SORCS3: variants seen among roughly 807,000 people sequenced by gnomAD.
SORCS3 encodes VPS10 domain-containing receptor SorCS3.
SORCS3 carries 57 observed loss-of-function variants against 146.3 expected under a neutral mutation model. The ratio of observed to expected loss-of-function variants is 0.39; its 90% CI spans 0.31 to 0.49. The LOEUF is 0.49. Ranked by LOEUF, SORCS3 falls within the 20% of genes least tolerant of loss-of-function variation. SORCS3 has a pLI of 0.92. For missense variants in SORCS3, 1,341 were observed against 1,575.5 expected (o/e 0.85, Z 2.52); for synonymous variants, 653 against 618.5 (o/e 1.06, Z -0.83).
At chr10:105,229,694 G>A (rs981603902) in intron 20 of SORCS3, among the ~76,000 whole-genome samples, 3 of 152,112 alleles carry the variant, frequency 2.0e-5, no homozygotes, top group Non-Finnish European at 4.4e-5. Flanking sequence ...GAAATTTTTT[G>A]CTGGGGACTG....
At chr10:105,019,818 G>A (rs1460057188) in intron 4 of SORCS3, among the ~76,000 whole-genome samples, 1 of 152,136 alleles carries the variant, frequency 6.6e-6, no homozygotes, top group Non-Finnish European at 1.5e-5. Context: ...CCATCAATAG[G>A]CATTTGTTAA....
intron 4 of SORCS3, among the ~76,000 whole-genome samples, chr10:105,020,422 G>A: frequency 6.6e-6 from 1 of 152,124 alleles, no homozygotes; most frequent in East Asian, 1.9e-4. Context: ...TCATACAAGT[G>A]TCACTCATCT....
intron 4 of SORCS3, among the ~76,000 whole-genome samples, chr10:104,989,741 A>G (rs2054982873): frequency 6.6e-6 from 1 of 152,174 alleles, no homozygotes; most frequent in African/African-American, 2.4e-5. Context: ...GAGGCCAGAG[A>G]GCAAGGAGTT....
intron 1 of SORCS3, among the ~76,000 whole-genome samples, chr10:104,840,465 A>G (rs2018125262): frequency 6.6e-6 from 1 of 152,138 alleles, no homozygotes; most frequent in South Asian, 2.1e-4. Flanking sequence ...ATCAGTCTAT[A>G]TAGGAATTGC....
At chr10:104,876,756 T>TC (rs372562304) in intron 2 of SORCS3, among the ~76,000 whole-genome samples, 4,094 of 139,390 alleles carry the variant, frequency 0.029, 208 homozygotes, top group African/African-American at 0.07. Context: ...CCTTTCTTTC[T>TC]TTCTCTTCCT....
In SORCS3 at chr10:105,168,315, T is replaced by A. The variant is rs184840827; in HGVS notation, c.1901+966T>A. 5.8e-3 allele frequency among the ~76,000 whole-genome samples: 885 copies of A among 152,226 alleles called. 8 individuals are homozygous for A. Among genetic ancestry groups the A allele is most frequent in the African/African-American group, 0.02 (839 of 41,530 alleles). On this transcript the variant is annotated intron_variant, in intron 13 of 26. Transcript: ENST00000369701. ...GACCTTCCACAAGGACAGAGTTGAA[T>A]GAGAATAGATGATGATGATGATGAC...
intron 1 of SORCS3, among the ~76,000 whole-genome samples, chr10:104,782,528 T>C (rs891815103): frequency 2.6e-5 from 4 of 152,232 alleles, no homozygotes; most frequent in African/African-American, 9.6e-5. Context: ...ATCAGTGCAG[T>C]AACTACACCT....
intron 4 of SORCS3, among the ~76,000 whole-genome samples, chr10:104,984,993 G>A (rs936354222): frequency 6.6e-6 from 1 of 152,110 alleles, no homozygotes; most frequent in African/African-American, 2.4e-5. Context: ...CCTAAGGGTG[G>A]TGGTTGCTGA....
intron 6 of SORCS3, among the ~76,000 whole-genome samples, chr10:105,102,701 G>A (rs1240097251): frequency 1.3e-5 from 2 of 151,734 alleles, no homozygotes; most frequent in African/African-American, 4.8e-5. Context: ...AAAAAACAGT[G>A]GCTCCTGGGT....
At chr10:104,920,778 G>T (rs1170932477) in intron 3 of SORCS3, among the ~76,000 whole-genome samples, 1 of 152,210 alleles carries the variant, frequency 6.6e-6, no homozygotes, top group African/African-American at 2.4e-5. Flanking sequence ...GTCTAAATGA[G>T]AGTATTGATA....
At chr10:105,030,875 G>T (rs1462749043) in intron 4 of SORCS3, among the ~76,000 whole-genome samples, 1 of 151,984 alleles carries the variant, frequency 6.6e-6, no homozygotes, top group Non-Finnish European at 1.5e-5. Context: ...TTACAGGTGT[G>T]AGCCACTGCA....
intron 22 of SORCS3, among the ~76,000 whole-genome samples, chr10:105,252,162 A>G (rs2056903181): frequency 6.6e-6 from 1 of 152,198 alleles, no homozygotes; most frequent in Non-Finnish European, 1.5e-5. Flanking sequence ...CAAACTCACC[A>G]AGTTACAGTT....
intron 4 of SORCS3, among the ~76,000 whole-genome samples, chr10:105,027,927 C>T (rs790664): frequency 6.6e-6 from 1 of 151,952 alleles, no homozygotes; most frequent in Non-Finnish European, 1.5e-5. Context: ...GTATTTAAAA[C>T]GTTATCTTTA....
intron 2 of SORCS3, among the ~76,000 whole-genome samples, chr10:104,906,378 A>T: frequency 6.6e-6 from 1 of 152,156 alleles, no homozygotes; most frequent in Non-Finnish European, 1.5e-5. Context: ...ATATGGTGGG[A>T]ATGAGATGGC....
chr10:104,746,358 G>C (rs533646213), intron 1 of SORCS3, among the ~76,000 whole-genome samples: 225 of 152,176 alleles, frequency 1.5e-3, no homozygotes, highest in Non-Finnish European at 2.6e-3. Context: ...GGATGGTCTC[G>C]ATCTCCTGAC....
intron 2 of SORCS3, among the ~76,000 whole-genome samples, chr10:104,877,316 A>G (rs961514371): frequency 1.3e-5 from 2 of 151,884 alleles, no homozygotes; most frequent in Admixed American, 6.6e-5. Flanking sequence ...CACTTTCTCC[A>G]TCTTTCATTG....
At chr10:105,242,762 T>C (rs191827919) in intron 20 of SORCS3, among the ~76,000 whole-genome samples, 4,019 of 102,036 alleles carry the variant, frequency 0.039, 307 homozygotes, top group African/African-American at 0.15. Context: ...ATTTATATTT[T>C]ATATATTTTA....
intron 4 of SORCS3, among the ~76,000 whole-genome samples, chr10:105,039,575 G>T (rs901114904): frequency 6.7e-6 from 1 of 149,740 alleles, no homozygotes; most frequent in Non-Finnish European, 1.5e-5. Context: ...TCCTGCCTCA[G>T]CCTCCCCAGT....
chr10:105,191,208 A>G (rs1463506468), intron 14 of SORCS3, among the ~76,000 whole-genome samples: 1 of 152,230 alleles, frequency 6.6e-6, no homozygotes, highest in Non-Finnish European at 1.5e-5. Flanking sequence ...ATATGCTATG[A>G]TTTTTGATAC....
Sources: gnomAD v4.1 joint callset for allele counts (sites outside exome capture counted in the v4.1 genomes callset) on GRCh38, gnomAD v4.1.1 for gene constraint, MANE v1.5 for transcripts, NCBI Gene and HGNC (gene_info 2026-07-23, HGNC 2026-07-21) for gene names.